RCAN2: variants seen among roughly 807,000 people sequenced by gnomAD.
The protein encoded by RCAN2 is calcipressin-2.
Under a neutral mutation model 23.6 loss-of-function variants are expected in RCAN2, and 9 were observed. That is an observed-to-expected ratio of 0.38 (90% confidence interval 0.23 to 0.67). The LOEUF (loss-of-function observed/expected upper bound fraction) is 0.67. RCAN2 is among the 30% of genes least tolerant of loss of function. The pLI is 0.51. For missense variants in RCAN2, 273 were observed against 302.3 expected (o/e 0.90, Z 0.72); for synonymous variants, 109 against 115.7 (o/e 0.94, Z 0.37).
rs1351119845 is a variant in RCAN2 at position 46,356,139 on chromosome 6, G to A, written c.225+100613C>T. Among the ~76,000 whole-genome samples, 4 of 152,214 alleles carry A rather than the reference G, an allele frequency of 2.6e-5. No homozygotes were observed. The East Asian group carries it at 7.7e-4, about 29-fold the overall frequency. On this transcript the variant is annotated intron_variant, in intron 2 of 4. Transcript: ENST00000371374. ...CAAGGTGCTTATGGAAACAGGGCCA[G>A]TAAATTGGAGACCAACTGAAGAAGT...
chr6:46,491,170 G>C lies in RCAN2; in HGVS notation c.-3+3C>G, dbSNP rs1306688564. The C allele has an allele frequency of 6.6e-6, 1 of 151,752 alleles. No homozygotes were observed. Among genetic ancestry groups the C allele is most frequent in the African/African-American group, 2.4e-5 (1 of 41,312 alleles). 9.4% of individuals were successfully genotyped at this position (151,752 alleles called of 1,614,324 possible). A position where few individuals can be genotyped will look rare whatever the true frequency, so the allele number is the denominator to read the frequency against. Reference sequence around the variant, plus strand: ...GCCTGGCCGGCGCGGTTACATAACCGACCTGCTGGGCGTCCGCGATGCGCC... The same window carrying C: ...GCCTGGCCGGCGCGGTTACATAACCCACCTGCTGGGCGTCCGCGATGCGCC... On this transcript the variant is annotated splice_donor_region_variant and intron_variant, in intron 1 of 4. Coordinates refer to ENST00000371374, the MANE Select transcript of RCAN2 (RefSeq NM_001251974.2).
At chr6:46,325,366 A>G (rs767946179) in intron 2 of RCAN2, 1 of 1,612,642 alleles carries the variant, frequency 6.2e-7, no homozygotes, top group Non-Finnish European at 8.5e-7. Context: ...AACAGCAACA[A>G]TGAAAAATAA....
At chr6:46,243,817 A>AAG (rs1279006141) in intron 4 of RCAN2, among the ~76,000 whole-genome samples, 1 of 150,292 alleles carries the variant, frequency 6.7e-6, no homozygotes, top group Non-Finnish European at 1.5e-5. Context: ...CTCAAAAAAA[A>AAG]AAAAAAAAAA....
intron 4 of RCAN2, among the ~76,000 whole-genome samples, chr6:46,235,901 T>A (rs1766077839): frequency 6.6e-6 from 1 of 152,172 alleles, no homozygotes; most frequent in African/African-American, 2.4e-5. Flanking sequence ...GATCACCTTA[T>A]CACATATGAG....
At chr6:46,414,677 C>G (rs778581280) in intron 2 of RCAN2, among the ~76,000 whole-genome samples, 1 of 152,214 alleles carries the variant, frequency 6.6e-6, no homozygotes, top group Non-Finnish European at 1.5e-5. Context: ...ATTCTGCCAG[C>G]AGGCTGCCTC....
rs3997300 is a variant in RCAN2, at chr6:46,339,014, C to CAAAAAAA, written c.226-90125_226-90119dup. ...TGGGTGACAAAGCGAGACCCTGTCT[C>CAAAAAAA]AAAAAAAAAAAAAAAAAAAAAAAAA... On this transcript the variant is annotated intron_variant, in intron 2 of 4. Coordinates refer to ENST00000371374, the MANE Select transcript of RCAN2 (RefSeq NM_001251974.2). Among the ~76,000 whole-genome samples the CAAAAAAA allele has an allele frequency of 2.4e-3, 114 of 47,022 alleles. 2 individuals are homozygous for CAAAAAAA. Among genetic ancestry groups the CAAAAAAA allele is most frequent in the East Asian group, 8.0e-3 (13 of 1,620 alleles). The allele number at this position is 47,022 out of a possible 152,430, so 30.8% of individuals were successfully genotyped here.
intron 2 of RCAN2, among the ~76,000 whole-genome samples, chr6:46,262,841 C>G (rs1767158748): frequency 6.6e-6 from 1 of 152,156 alleles, no homozygotes; most frequent in Non-Finnish European, 1.5e-5. Context: ...CAAGCCTTCT[C>G]ATTTGCCCTT....
chr6:46,267,429 C>A (rs1279505062), intron 2 of RCAN2, among the ~76,000 whole-genome samples: 1 of 151,988 alleles, frequency 6.6e-6, no homozygotes, highest in African/African-American at 2.4e-5. Context: ...GCCTATAATC[C>A]CAGCACTCTG....
At chr6:46,328,007 C>T (rs913279677) in intron 2 of RCAN2, among the ~76,000 whole-genome samples, 2 of 152,194 alleles carry the variant, frequency 1.3e-5, no homozygotes, top group African/African-American at 4.8e-5. Flanking sequence ...GCAACACATT[C>T]TAATCATTGC....
chr6:46,313,925 G>A (rs920106855), intron 2 of RCAN2, among the ~76,000 whole-genome samples: 1 of 152,194 alleles, frequency 6.6e-6, no homozygotes, highest in Non-Finnish European at 1.5e-5. Context: ...TATACAGTGA[G>A]AATATAAAAT....
At chr6:46,431,579 T>G (rs2150417253) in intron 2 of RCAN2, among the ~76,000 whole-genome samples, 1 of 152,336 alleles carries the variant, frequency 6.6e-6, no homozygotes, top group South Asian at 2.1e-4. Flanking sequence ...CTCAAATATT[T>G]GTTCCTAGAG....
At chr6:46,267,964 T>C (rs1767394243) in intron 2 of RCAN2, among the ~76,000 whole-genome samples, 1 of 151,652 alleles carries the variant, frequency 6.6e-6, no homozygotes, top group African/African-American at 2.4e-5. Context: ...GGCAAATTTA[T>C]AAAATATTAT....
At chr6:46,388,781 C>A (rs1765843772) in intron 2 of RCAN2, among the ~76,000 whole-genome samples, 1 of 152,082 alleles carries the variant, frequency 6.6e-6, no homozygotes, top group Non-Finnish European at 1.5e-5. Flanking sequence ...GTGAACATCA[C>A]ACACCGGGGC....
At chr6:46,239,009 A>G (rs1766204967) in intron 4 of RCAN2, among the ~76,000 whole-genome samples, 1 of 152,262 alleles carries the variant, frequency 6.6e-6, no homozygotes, top group Non-Finnish European at 1.5e-5. Flanking sequence ...ACTATTGAAG[A>G]AGCAGAGGCA....
upstream of RCAN2, among the ~76,000 whole-genome samples, chr6:46,491,663 C>T (rs1180623694): frequency 2.6e-5 from 4 of 152,234 alleles, no homozygotes; most frequent in East Asian, 5.9e-4. Context: ...CCCGCACCCC[C>T]TCCTTTCCAC....
intron 1 of RCAN2, among the ~76,000 whole-genome samples, chr6:46,466,498 G>A (rs1768389481): frequency 6.6e-6 from 1 of 151,404 alleles, no homozygotes; most frequent in South Asian, 2.1e-4. Flanking sequence ...AACATTAGCA[G>A]GTAATGAAGA....
At chr6:46,476,995 A>G (rs1425321308) in intron 1 of RCAN2, among the ~76,000 whole-genome samples, 1 of 152,196 alleles carries the variant, frequency 6.6e-6, no homozygotes, top group Admixed American at 6.5e-5. Context: ...AATCCTCCAA[A>G]AAAACATAAA....
chr6:46,440,705 T>C (rs1415603006), intron 2 of RCAN2, among the ~76,000 whole-genome samples: 2 of 151,840 alleles, frequency 1.3e-5, no homozygotes, highest in African/African-American at 2.4e-5. Flanking sequence ...TTAATTTGAG[T>C]TTCCTAGAAG....
chr6:46,466,061 G>A (rs142294892), intron 1 of RCAN2, among the ~76,000 whole-genome samples: 14 of 152,286 alleles, frequency 9.2e-5, no homozygotes, highest in Admixed American at 6.5e-4. Flanking sequence ...ACCACTGGGG[G>A]AGATGTGTTC....
Sources: gnomAD v4.1 joint callset for allele counts (sites outside exome capture counted in the v4.1 genomes callset) on GRCh38, gnomAD v4.1.1 for gene constraint, MANE v1.5 for transcripts, NCBI Gene and HGNC (gene_info 2026-07-23, HGNC 2026-07-21) for gene names.